Variants in AKR1C8 observed in about 807,000 individuals in gnomAD.
AKR1C8 encodes aldo-keto reductase family 1 member C8, also known as aldo-keto reductase family 1 member C-like protein 1.
chr10:5,150,199 G>A, the AKR1C8 span, among the ~76,000 whole-genome samples: 1 of 152,012 alleles, frequency 6.6e-6, no homozygotes. Context: ...AAATGTACCC[G>A]TTGGACTCCT....
the AKR1C8 span, chr10:5,155,850 T>A: frequency 5.2e-6 from 2 of 385,124 alleles, no homozygotes; most frequent in Admixed American, 6.3e-5. Context: ...GAGGCAAGGA[T>A]GGCATTGGGG....
the AKR1C8 span, chr10:5,158,809 G>A: frequency 4.5e-6 from 2 of 447,962 alleles, no homozygotes; most frequent in East Asian, 7.0e-5. Context: ...TACATTAATA[G>A]ATGTACTATA....
At chr10:5,172,289 G>C in the AKR1C8 span, among the ~76,000 whole-genome samples, 1 of 151,862 alleles carries the variant, frequency 6.6e-6, no homozygotes, top group East Asian at 1.9e-4. Flanking sequence ...TTAATTTTTT[G>C]ACTTGTAAAC....
At chr10:5,127,505 G>A in the AKR1C8 span, among the ~76,000 whole-genome samples, 2 of 152,000 alleles carry the variant, frequency 1.3e-5, no homozygotes, top group Non-Finnish European at 2.9e-5. Context: ...AATCACTTGA[G>A]GTCAGGAGTT....
the AKR1C8 span, among the ~76,000 whole-genome samples, chr10:5,145,236 A>T: frequency 1.3e-5 from 2 of 152,192 alleles, no homozygotes; most frequent in African/African-American, 4.8e-5. Flanking sequence ...CTAAAACCAT[A>T]AAAACCCTAG....
chr10:5,155,674 C>T, the AKR1C8 span: 3 of 469,422 alleles, frequency 6.4e-6, no homozygotes, highest in African/African-American at 2.0e-5. Context: ...GCATCACTTA[C>T]AATTGTAACT....
chr10:5,167,974 A>G, the AKR1C8 span, among the ~76,000 whole-genome samples: 1 of 152,228 alleles, frequency 6.6e-6, no homozygotes, highest in East Asian at 1.9e-4. Flanking sequence ...TGCTACAGAA[A>G]TAGTCAGATT....
At chr10:5,174,938 C>T in the AKR1C8 span, among the ~76,000 whole-genome samples, 2 of 151,764 alleles carry the variant, frequency 1.3e-5, no homozygotes, top group Admixed American at 6.6e-5. Context: ...TTTCATAAAT[C>T]GAACATTGAA....
At chr10:5,158,101 T>C in the AKR1C8 span, among the ~76,000 whole-genome samples, 1 of 152,102 alleles carries the variant, frequency 6.6e-6, no homozygotes, top group African/African-American at 2.4e-5. Context: ...CTCACAGATA[T>C]GGTGAAAGAA....
the AKR1C8 span, among the ~76,000 whole-genome samples, chr10:5,165,104 G>A: frequency 6.6e-6 from 1 of 152,066 alleles, no homozygotes; most frequent in Non-Finnish European, 1.5e-5. Context: ...CCTAATAAGG[G>A]CCTTTTTGTC....
the AKR1C8 span, among the ~76,000 whole-genome samples, chr10:5,159,625 T>A: frequency 6.6e-6 from 1 of 152,198 alleles, no homozygotes; most frequent in South Asian, 2.1e-4. Context: ...ACCTGGACCA[T>A]CCCGAGCTCC....
chr10:5,168,416 C>T, the AKR1C8 span, among the ~76,000 whole-genome samples: 1 of 152,060 alleles, frequency 6.6e-6, no homozygotes, highest in Non-Finnish European at 1.5e-5. Flanking sequence ...TTCTACCACC[C>T]AAACCCCCGA....
At chr10:5,116,222 G>T in the AKR1C8 span, among the ~76,000 whole-genome samples, 8 of 152,132 alleles carry the variant, frequency 5.3e-5, no homozygotes, top group African/African-American at 1.9e-4. Flanking sequence ...AGCCAACACT[G>T]TACCTCCCTT....
At chr10:5,128,184 T>G in the AKR1C8 span, among the ~76,000 whole-genome samples, 253 of 152,244 alleles carry the variant, frequency 1.7e-3, no homozygotes, top group African/African-American at 5.8e-3. Context: ...CAAAACTATA[T>G]TTCATAATTG....
the AKR1C8 span, among the ~76,000 whole-genome samples, chr10:5,120,971 A>G: frequency 3.9e-5 from 6 of 152,164 alleles, no homozygotes; most frequent in Non-Finnish European, 7.3e-5. Flanking sequence ...TATGTAATGT[A>G]TAAGTAATAT....
chr10:5,136,867 T>C, the AKR1C8 span, among the ~76,000 whole-genome samples: 1 of 152,110 alleles, frequency 6.6e-6, no homozygotes, highest in Non-Finnish European at 1.5e-5. Flanking sequence ...CGAAATAACA[T>C]TTAGTCAAAA....
chr10:5,176,031 T>A, the AKR1C8 span, among the ~76,000 whole-genome samples: 1 of 151,972 alleles, frequency 6.6e-6, no homozygotes, highest in Admixed American at 6.5e-5. Context: ...CTTTTGGTGT[T>A]TTAGACATGA....
chr10:5,158,817 A>G, the AKR1C8 span: 2 of 418,582 alleles, frequency 4.8e-6, no homozygotes, highest in Non-Finnish European at 9.5e-6. Context: ...TAGATGTACT[A>G]TACTTTTCAT....
the AKR1C8 span, among the ~76,000 whole-genome samples, chr10:5,178,688 G>A: frequency 6.6e-6 from 1 of 152,126 alleles, no homozygotes; most frequent in African/African-American, 2.4e-5. Context: ...TATATATTTA[G>A]GATAGTTAGG....
Sources: allele counts gnomAD v4.1 joint callset (sites outside exome capture counted in the v4.1 genomes callset), GRCh38; gene constraint gnomAD v4.1.1; transcripts MANE v1.5; gene names NCBI Gene and HGNC (gene_info 2026-07-23, HGNC 2026-07-21).